The following LDLRAD3 variants were observed in gnomAD, a reference collection of about 807,000 sequenced individuals.
The protein encoded by LDLRAD3 is low density lipoprotein receptor class A domain containing 3.
In LDLRAD3, 20 loss-of-function variants were observed where a neutral mutation model predicts 29.4. That is an observed-to-expected ratio of 0.68 (90% CI 0.48 to 0.99). The LOEUF (loss-of-function observed/expected upper bound fraction) is 0.99, where lower values mean the gene tolerates loss of function less well. Ranked by LOEUF, LDLRAD3 falls within the 50% of genes least tolerant of loss-of-function variation. The probability of loss-of-function intolerance (pLI) is 0.00; values close to 1 mark genes in which losing one functional copy is unlikely to be tolerated. For missense variants in LDLRAD3, 420 were observed against 454.3 expected (o/e 0.92, Z 0.69); for synonymous variants, 157 against 192.7 (o/e 0.81, Z 1.53).
In LDLRAD3 at chr11:36,227,320, C is replaced by T. The variant is rs144773833; in HGVS notation, c.690C>T (p.Asn230=). ...TCCTGGACCACCCCCACCACTGCAA[C>T]GTCACCTACAACGTCAATAATGGCA... is the stretch of plus-strand genomic sequence containing the variant. ...LVVLDHPHHC[N]VTYNVNNGIQ... The change falls in exon 5 of 6, where the codon AAC becomes AAT. Residue 230 remains asparagine (N), a synonymous_variant. Transcript: ENST00000315571. The T allele has an allele frequency of 2.8e-4, 453 of 1,614,198 alleles. No individual in the cohort carries two copies. The highest frequency in any genetic ancestry group is 3.6e-4 in the Non-Finnish European group (425 of 1,180,024).
intron 1 of LDLRAD3, among the ~76,000 whole-genome samples, chr11:35,996,869 A>G (rs1851761761): frequency 6.6e-6 from 1 of 152,214 alleles, no homozygotes; most frequent in African/African-American, 2.4e-5. Flanking sequence ...ACATCTCAGT[A>G]CAGTAGGTAC....
intron 1 of LDLRAD3, among the ~76,000 whole-genome samples, chr11:35,956,793 T>A (rs181989821): frequency 6.6e-6 from 1 of 152,196 alleles, no homozygotes; most frequent in Admixed American, 6.5e-5. Flanking sequence ...CTGGGTGCAG[T>A]GGTGCAATCT....
intron 4 of LDLRAD3, among the ~76,000 whole-genome samples, chr11:36,180,460 T>C (rs1389105423): frequency 1.3e-5 from 2 of 152,054 alleles, no homozygotes; most frequent in Non-Finnish European, 2.9e-5. Flanking sequence ...GCACTGTACA[T>C]GTAGAAGTAA....
At chr11:36,092,577 G>A (rs773274508) in intron 3 of LDLRAD3, among the ~76,000 whole-genome samples, 4 of 151,814 alleles carry the variant, frequency 2.6e-5, no homozygotes, top group East Asian at 1.9e-4. Flanking sequence ...CTCTACCACC[G>A]TGTGATCAAA....
At chr11:36,048,275 A>G (rs1852480816) in intron 2 of LDLRAD3, among the ~76,000 whole-genome samples, 1 of 152,152 alleles carries the variant, frequency 6.6e-6, no homozygotes, top group African/African-American at 2.4e-5. Context: ...TTTTCAGGAG[A>G]TGGAATCCAG....
At chr11:35,978,635 C>T (rs1404556280) in intron 1 of LDLRAD3, among the ~76,000 whole-genome samples, 1 of 152,152 alleles carries the variant, frequency 6.6e-6, no homozygotes, top group Non-Finnish European at 1.5e-5. Flanking sequence ...GTTTTCTTAG[C>T]CTCATGGTCT....
intron 1 of LDLRAD3, among the ~76,000 whole-genome samples, chr11:35,989,550 G>A (rs973414668): frequency 6.6e-6 from 1 of 152,100 alleles, no homozygotes; most frequent in African/African-American, 2.4e-5. Context: ...ATATCTTTCA[G>A]CAGTGTTTTG....
chr11:35,987,874 A>G (rs374492710), intron 1 of LDLRAD3, among the ~76,000 whole-genome samples: 34 of 152,232 alleles, frequency 2.2e-4, no homozygotes, highest in African/African-American at 7.5e-4. Flanking sequence ...ACTAGTTTAC[A>G]TTCCCATCAA....
intron 1 of LDLRAD3, among the ~76,000 whole-genome samples, chr11:36,006,704 CATG>C (rs1851889969): frequency 1.3e-5 from 2 of 152,360 alleles, no homozygotes; most frequent in Non-Finnish European, 1.5e-5. Context: ...TCCTCCATCA[CATG>C]GTGGTGGTGA....
chr11:36,179,467 C>CT (rs1179099318), intron 4 of LDLRAD3, among the ~76,000 whole-genome samples: 1 of 151,924 alleles, frequency 6.6e-6, no homozygotes, highest in Non-Finnish European at 1.5e-5. Flanking sequence ...GAGTGAGACT[C>CT]TGTCTCAGAA....
At chr11:36,072,832 A>G (rs1403189824) in intron 2 of LDLRAD3, among the ~76,000 whole-genome samples, 1 of 152,194 alleles carries the variant, frequency 6.6e-6, no homozygotes, top group Non-Finnish European at 1.5e-5. Flanking sequence ...ACCTGGAGAC[A>G]CTGGAATGCC....
chr11:36,080,599 A>G (rs959893149), intron 2 of LDLRAD3, among the ~76,000 whole-genome samples: 7 of 152,168 alleles, frequency 4.6e-5, no homozygotes, highest in Non-Finnish European at 1.0e-4. Flanking sequence ...AAGTGGTGAT[A>G]AGAACCATAC....
chr11:35,967,655 T>C (rs1851358343), intron 1 of LDLRAD3: 2 of 477,582 alleles, frequency 4.2e-6, no homozygotes, highest in South Asian at 3.2e-5. Flanking sequence ...ACTTTGCATC[T>C]TGTGACAAAG....
chr11:36,064,903 C>T (rs1163130495), intron 2 of LDLRAD3, among the ~76,000 whole-genome samples: 1 of 151,976 alleles, frequency 6.6e-6, no homozygotes, highest in Non-Finnish European at 1.5e-5. Context: ...GATTGCATTC[C>T]TTTTAACTGT....
intron 2 of LDLRAD3, among the ~76,000 whole-genome samples, chr11:36,068,417 A>G (rs7127315): frequency 1.3e-3 from 198 of 152,280 alleles, no homozygotes; most frequent in African/African-American, 4.7e-3. Flanking sequence ...TACCATCTTT[A>G]TCTTCCTTTT....
chr11:36,130,835 C>T (rs1023285218), intron 4 of LDLRAD3, among the ~76,000 whole-genome samples: 13 of 152,306 alleles, frequency 8.5e-5, no homozygotes, highest in African/African-American at 3.1e-4. Context: ...CTGGAAGGAG[C>T]CAGCTCTGGA....
intron 4 of LDLRAD3, among the ~76,000 whole-genome samples, chr11:36,140,168 C>T (rs188712685): frequency 3.0e-4 from 46 of 152,238 alleles, no homozygotes; most frequent in Non-Finnish European, 5.0e-4. Context: ...TTGTTCTTAA[C>T]GAAGACTTAC....
intron 4 of LDLRAD3, among the ~76,000 whole-genome samples, chr11:36,105,526 A>C (rs987420250): frequency 2.6e-4 from 40 of 152,144 alleles, no homozygotes; most frequent in African/African-American, 9.7e-4. Context: ...ACTTGTGAAG[A>C]TGAGGTCATA....
chr11:36,146,612 A>T (rs1388571452), intron 4 of LDLRAD3, among the ~76,000 whole-genome samples: 4 of 152,110 alleles, frequency 2.6e-5, no homozygotes, highest in African/African-American at 4.8e-5. Flanking sequence ...CCCTGAGGGA[A>T]AATTCACTGC....
Sources: allele counts gnomAD v4.1 joint callset (sites outside exome capture counted in the v4.1 genomes callset), GRCh38; gene constraint gnomAD v4.1.1; transcripts MANE v1.5; gene names NCBI Gene and HGNC (gene_info 2026-07-23, HGNC 2026-07-21).